The following ANK3 variants were observed in gnomAD, a reference collection of about 807,000 sequenced individuals.
The protein encoded by ANK3 is ankyrin 3, also known as ankyrin-3.
In ANK3, 57 loss-of-function variants were observed where a neutral mutation model predicts 370.9. That is an observed-to-expected ratio of 0.15 (90% CI 0.12 to 0.19). The LOEUF is 0.19. Ranked by LOEUF, ANK3 falls within the 10% of genes least tolerant of loss-of-function variation. The probability of loss-of-function intolerance (pLI) is 1.00; values close to 1 mark genes in which losing one functional copy is unlikely to be tolerated. For missense variants in ANK3, 4,439 were observed against 5,302.1 expected, an observed-to-expected ratio of 0.84 and a Z score of 5.06; for synonymous variants, 1,929 against 1,946.3, an observed-to-expected ratio of 0.99 and a Z score of 0.23.
At chr10:60,384,148 G>A (rs1197137144) in intron 1 of ANK3, among the ~76,000 whole-genome samples, 1 of 152,060 alleles carries the variant, frequency 6.6e-6, no homozygotes, top group African/African-American at 2.4e-5. Context: ...AAAGTCATAG[G>A]GAAGAAAAAA....
At chr10:60,254,730 C>G (rs1371669215) in intron 7 of ANK3, among the ~76,000 whole-genome samples, 1 of 152,168 alleles carries the variant, frequency 6.6e-6, no homozygotes, top group African/African-American at 2.4e-5. Flanking sequence ...ATTTTTCCAT[C>G]TCCCTTAACG....
At chr10:60,583,177 A>G (rs1446110407) in intron 2 of ANK3, among the ~76,000 whole-genome samples, 2 of 150,436 alleles carry the variant, frequency 1.3e-5, no homozygotes, top group East Asian at 3.8e-4. Context: ...ATTCAACCAT[A>G]AAAAAAGGAT....
chr10:60,056,812 C>A (rs564000654), intron 41 of ANK3, among the ~76,000 whole-genome samples: 4 of 152,196 alleles, frequency 2.6e-5, no homozygotes, highest in Non-Finnish European at 5.9e-5. Flanking sequence ...TCCCTTGAGC[C>A]CAGGAATTTG....
chr10:60,044,470 C>T, intron 42 of ANK3: 1 of 398,326 alleles, frequency 2.5e-6, no homozygotes, highest in Non-Finnish European at 3.4e-6. Flanking sequence ...CTTGCTACTC[C>T]AGTGCAAGGG....
Position 60,075,948 on chromosome 10 carries a change from C to T in ANK3, c.4933G>A (p.Ala1645Thr), listed in dbSNP as rs138640280. Residue 1645 changes from alanine (A) to threonine (T), a missense_variant, in exon 37 of 44, where the codon GCC becomes ACC. Transcript: ENST00000280772. ...ATATTAATGTTTGATTTGGGGGAGGCAGGGGGTGTCATAGTAATTGATGAC... is the reference window on the plus strand; with the variant it reads ...ATATTAATGTTTGATTTGGGGGAGGTAGGGGGTGTCATAGTAATTGATGAC... ...ERSSITMTPP[A>T]SPKSNINMYS... 218 of 1,614,068 alleles carry T rather than the reference C, an allele frequency of 1.4e-4. No individual in the cohort carries two copies. Among genetic ancestry groups the T allele is most frequent in the Non-Finnish European group, 4.2e-6 (5 of 1,179,972 alleles).
rs563069184 is a variant in ANK3 at position 60,113,943 on chromosome 10, A to G, written c.2948+282T>C. Among the ~76,000 whole-genome samples, 3 of 152,288 alleles carry G rather than the reference A, an allele frequency of 2.0e-5. No individual in the cohort carries two copies. The South Asian group carries it at 6.2e-4, about 32-fold the overall frequency. Reference sequence around the variant, plus strand: ...AAAAGGAAATTTTCTGAAAAGGAAAATTAAAGACCTAGAAGATTAGAACAG... The same window carrying G: ...AAAAGGAAATTTTCTGAAAAGGAAAGTTAAAGACCTAGAAGATTAGAACAG... On this transcript the variant is annotated intron_variant, in intron 26 of 43. Transcript: ENST00000280772.
At chr10:60,340,462 G>C (rs537103521) in intron 1 of ANK3, among the ~76,000 whole-genome samples, 1 of 152,196 alleles carries the variant, frequency 6.6e-6, no homozygotes, top group South Asian at 2.1e-4. Flanking sequence ...CCAGGCTGGA[G>C]TGCAAGTGGT....
chr10:60,247,308 G>A (rs1026296458), intron 7 of ANK3, among the ~76,000 whole-genome samples: 2 of 151,762 alleles, frequency 1.3e-5, no homozygotes, highest in African/African-American at 2.4e-5. Flanking sequence ...TGAGCCACTG[G>A]ACCCAGTCAG....
Position 60,059,885 on chromosome 10 carries a change from G to A in ANK3, c.12596-455C>T, listed in dbSNP as rs769688536. On this transcript the variant is annotated intron_variant, in intron 40 of 43. Coordinates refer to ENST00000280772, the MANE Select transcript of ANK3 (RefSeq NM_020987.5). ...CTAGCCCATCACTCAGTCTACTAGG[G>A]GTTCTAAGGGGAGATTCTATGCTAG... is the stretch of plus-strand genomic sequence containing the variant. The A allele has an allele frequency of 2.5e-6, 4 of 1,614,196 alleles. No individual in the cohort carries two copies. The South Asian group carries it at 4.4e-5, about 18-fold the overall frequency.
At chr10:60,122,762 T>C (rs1432225598) in intron 25 of ANK3, among the ~76,000 whole-genome samples, 1 of 152,240 alleles carries the variant, frequency 6.6e-6, no homozygotes, top group Non-Finnish European at 1.5e-5. Flanking sequence ...TCACTTATAT[T>C]AGCTCATTTG....
At chr10:60,263,193 G>A (rs1263211870) in intron 6 of ANK3, among the ~76,000 whole-genome samples, 2 of 152,138 alleles carry the variant, frequency 1.3e-5, no homozygotes, top group Non-Finnish European at 2.9e-5. Context: ...AAAAATGAAC[G>A]GTTAGTTCAC....
intron 1 of ANK3, among the ~76,000 whole-genome samples, chr10:60,700,827 T>G (rs953797601): frequency 6.6e-6 from 1 of 152,052 alleles, no homozygotes; most frequent in African/African-American, 2.4e-5. Context: ...ATGGAAGCCA[T>G]CTAAACACTA....
intron 2 of ANK3, among the ~76,000 whole-genome samples, chr10:60,471,327 G>A (rs1015461926): frequency 6.6e-6 from 1 of 152,110 alleles, no homozygotes; most frequent in African/African-American, 2.4e-5. Context: ...GTGTCTGTGT[G>A]TATTACCTTT....
rs1016446403 is a variant in ANK3 at position 60,059,679 on chromosome 10, A to G, written c.12596-249T>C. On this transcript the variant is annotated intron_variant, in intron 40 of 43. Transcript: ENST00000280772. Reference sequence around the variant, plus strand: ...TTTTGGGGACCCAGCCAAATTTCCAAGGTATTGAGGATACTCACTCAGACA... The same window carrying G: ...TTTTGGGGACCCAGCCAAATTTCCAGGGTATTGAGGATACTCACTCAGACA... 6 of 1,586,966 alleles carry G rather than the reference A, an allele frequency of 3.8e-6. No individual in the cohort carries two copies. In the African/African-American group the frequency reaches 5.4e-5, roughly 14 times the overall value.
At chr10:60,321,004 T>C (rs1339810052) in intron 1 of ANK3, among the ~76,000 whole-genome samples, 2 of 152,190 alleles carry the variant, frequency 1.3e-5, no homozygotes, top group Admixed American at 1.3e-4. Flanking sequence ...CTTAGTAAAA[T>C]CAGGACAAAA....
chr10:60,315,978 C>T (rs973138237), intron 1 of ANK3, among the ~76,000 whole-genome samples: 1 of 152,100 alleles, frequency 6.6e-6, no homozygotes, highest in African/African-American at 2.4e-5. Flanking sequence ...CTAAGGTGGG[C>T]TAATTGCAAT....
intron 2 of ANK3, among the ~76,000 whole-genome samples, chr10:60,412,071 G>A (rs1321525003): frequency 6.6e-6 from 1 of 152,098 alleles, no homozygotes; most frequent in Non-Finnish European, 1.5e-5. Context: ...TGTAAGGAGG[G>A]GATTCCTCAA....
At chr10:60,426,876 A>C (rs1188493239) in intron 2 of ANK3, among the ~76,000 whole-genome samples, 1 of 152,144 alleles carries the variant, frequency 6.6e-6, no homozygotes, top group Non-Finnish European at 1.5e-5. Flanking sequence ...GGCATTGTAT[A>C]GGCATCTTAA....
intron 22 of ANK3, 53 bp from the exon 23 acceptor site, chr10:60,166,706 A>G (rs2095633513): frequency 6.3e-7 from 1 of 1,596,526 alleles, no homozygotes. Context: ...TACTCTTGAT[A>G]TTACAACAAA....
Sources: gnomAD v4.1 joint callset for allele counts (sites outside exome capture counted in the v4.1 genomes callset) on GRCh38, gnomAD v4.1.1 for gene constraint, MANE v1.5 for transcripts, NCBI Gene and HGNC (gene_info 2026-07-23, HGNC 2026-07-21) for gene names.